ANKRD11: variants seen among roughly 807,000 people sequenced by gnomAD.
The protein encoded by ANKRD11 is ankyrin repeat domain 11.
ANKRD11 carries 17 observed loss-of-function variants against 195.7 expected under a neutral mutation model. That is an observed-to-expected ratio of 0.09 (90% CI 0.06 to 0.13). ANKRD11 has a LOEUF of 0.13. ANKRD11 is among the 10% of genes least tolerant of loss of function. The pLI is 1.00. For synonymous variants in ANKRD11, 1,953 were observed against 1,528.1 expected, an observed-to-expected ratio of 1.28 and a Z score of -6.49; for missense variants, 3,735 against 3,566.1, an observed-to-expected ratio of 1.05 and a Z score of -1.21.
intron 2 of ANKRD11, chr16:89,320,122 G>C (rs2037214704): frequency 6.6e-6 from 1 of 152,366 alleles, no homozygotes; most frequent in African/African-American, 2.4e-5. Context: ...GGTGGGGGCT[G>C]TGATGATGTC....
chr16:89,398,801 G>A (rs534666258), intron 2 of ANKRD11, among the ~76,000 whole-genome samples: 6 of 152,008 alleles, frequency 3.9e-5, no homozygotes, highest in Non-Finnish European at 7.3e-5. Flanking sequence ...GAAATTACTC[G>A]TCTAGTCTCT....
intron 2 of ANKRD11, among the ~76,000 whole-genome samples, chr16:89,399,373 T>C (rs975238053): frequency 6.6e-5 from 10 of 152,040 alleles, no homozygotes; most frequent in Admixed American, 5.2e-4. Context: ...AAAAGGACCA[T>C]AGACGCATGC....
intron 2 of ANKRD11, among the ~76,000 whole-genome samples, chr16:89,391,931 A>G (rs2041217127): frequency 1.3e-5 from 2 of 152,260 alleles, no homozygotes; most frequent in Admixed American, 1.3e-4. Context: ...GCATGCTTAT[A>G]CTGGTCGAAG....
chr16:89,307,009 T>G (rs1597565596), intron 3 of ANKRD11, among the ~76,000 whole-genome samples: 5 of 125,736 alleles, frequency 4.0e-5, no homozygotes, highest in Non-Finnish European at 5.0e-5. Flanking sequence ...GCTCGGGACG[T>G]GGGGAGGGGG....
intron 2 of ANKRD11, among the ~76,000 whole-genome samples, chr16:89,343,187 C>T (rs1199294211): frequency 6.6e-6 from 1 of 152,130 alleles, no homozygotes; most frequent in Non-Finnish European, 1.5e-5. Flanking sequence ...GACGGGGTTT[C>T]ACCATGTTGG....
In ANKRD11 at chr16:89,284,464, T is replaced by A; in HGVS notation, c.2078A>T (p.His693Leu). 6.2e-7 allele frequency: 1 copy of A among 1,614,094 alleles called. No homozygotes were observed. Among genetic ancestry groups the A allele is most frequent in the Non-Finnish European group, 8.5e-7 (1 of 1,180,036 alleles). The change falls in exon 9 of 13, where the codon CAC becomes CTC. Residue 693 changes from histidine (H) to leucine (L), a missense_variant. Coordinates refer to ENST00000301030, the MANE Select transcript of ANKRD11 (RefSeq NM_013275.6). ...KLKVLKHDRD[H>L]FKKEEKLSKM... is the part of the protein sequence containing the mutation. ...GCTAAGTTTCTCTTCTTTTTTAAAG[T>A]GGTCGCGATCGTGCTTTAACACTTT...
At chr16:89,432,562 A>C (rs1240702848) in intron 1 of ANKRD11, among the ~76,000 whole-genome samples, 1 of 152,182 alleles carries the variant, frequency 6.6e-6, no homozygotes, top group Non-Finnish European at 1.5e-5. Context: ...TTCATTCTTC[A>C]AAGTCAAGCT....
In ANKRD11 at chr16:89,274,915, G is replaced by A. The variant is rs2033510977; in HGVS notation, c.7612C>T (p.His2538Tyr). ...GCGATGGTCCTGGCCGCCCGGCAGT[G>A]AACCCGCAGAATCTCCTGCTCACAG... ...VSCEQEILRV[H>Y]CRAARTIANQ... The change falls in exon 11 of 13, where the codon CAC (histidine) becomes TAC (tyrosine). Residue 2538 changes from histidine (H) to tyrosine (Y), a missense_variant. Coordinates refer to ENST00000301030, the MANE Select transcript of ANKRD11 (RefSeq NM_013275.6). The A allele has an allele frequency of 6.2e-7, 1 of 1,613,640 alleles. No homozygotes were observed. Among genetic ancestry groups the A allele is most frequent in the Non-Finnish European group, 8.5e-7 (1 of 1,180,018 alleles).
chr16:89,305,522 G>C (rs1337707070), intron 3 of ANKRD11, among the ~76,000 whole-genome samples, 178 bp from the exon 4 acceptor site: 1 of 152,092 alleles, frequency 6.6e-6, no homozygotes, highest in Non-Finnish European at 1.5e-5. Flanking sequence ...TCACCCAGAA[G>C]CCCGGGGTCG....
intron 2 of ANKRD11, among the ~76,000 whole-genome samples, chr16:89,371,122 C>T (rs535559277): frequency 1.3e-5 from 2 of 152,270 alleles, no homozygotes; most frequent in African/African-American, 2.4e-5. Flanking sequence ...AGGGGGAAGA[C>T]GGGACGAGCG....
chr16:89,267,752 T>C lies in ANKRD11; in HGVS notation c.*726A>G, dbSNP rs55681374. ...TATCTAGAAGGCAGCAAAAGTACAT[T>C]GTGAAGGTATATAAAACTGTACAGC... is the stretch of plus-strand genomic sequence containing the variant. On this transcript the variant is annotated 3_prime_UTR_variant, in exon 13 of 13. Transcript: ENST00000301030. 1 of 152,236 alleles carries C rather than the reference T, an allele frequency of 6.6e-6. No homozygotes were observed. The highest frequency in any genetic ancestry group is 2.4e-5 in the African/African-American group (1 of 41,378). 9.4% of individuals were successfully genotyped at this position (152,236 alleles called of 1,614,324 possible).
rs869142504 is a variant in ANKRD11, at chr16:89,334,144, T to TAAAAAAA, written c.-59-17073_-59-17067dup. ...GGTAACATGATGAAACCCTGTGTTT[T>TAAAAAAA]AAAAAAAAAAAAAAAAAAAAAAAAA... is the stretch of plus-strand genomic sequence containing the variant. On this transcript the variant is annotated intron_variant, in intron 2 of 12. Coordinates refer to ENST00000301030, the MANE Select transcript of ANKRD11 (RefSeq NM_013275.6). 8.5e-3 allele frequency among the ~76,000 whole-genome samples: 351 copies of TAAAAAAA among 41,412 alleles called. 80 individuals are homozygous for TAAAAAAA. Among genetic ancestry groups the TAAAAAAA allele is most frequent in the African/African-American group, 0.032 (332 of 10,446 alleles). 27.2% of individuals were successfully genotyped at this position (41,412 alleles called of 152,430 possible).
intron 1 of ANKRD11, among the ~76,000 whole-genome samples, chr16:89,424,888 C>T (rs1372864341): frequency 1.3e-5 from 2 of 152,146 alleles, no homozygotes; most frequent in African/African-American, 4.8e-5. Flanking sequence ...CTCTCTCTAA[C>T]ACACACGTAC....
rs931183994 is a variant in ANKRD11 at position 89,488,841 on chromosome 16, G to C, written c.-145+1404C>G. On this transcript the variant is annotated intron_variant, in intron 1 of 12. Coordinates refer to ENST00000301030, the MANE Select transcript of ANKRD11 (RefSeq NM_013275.6). Reference sequence around the variant, plus strand: ...TAAAACTCTCTCCTCATGTAAGAAAGCCTGAAATCTAATTTCTCTACCATA... The same window carrying C: ...TAAAACTCTCTCCTCATGTAAGAAACCCTGAAATCTAATTTCTCTACCATA... Among the ~76,000 whole-genome samples the C allele has an allele frequency of 2.6e-5, 4 of 152,102 alleles. No homozygotes were observed. In the South Asian group the frequency reaches 6.2e-4, roughly 24 times the overall value.
chr16:89,384,570 T>TGGGAC (rs1213921883), intron 2 of ANKRD11, among the ~76,000 whole-genome samples: 1 of 150,298 alleles, frequency 6.7e-6, no homozygotes, highest in Non-Finnish European at 1.5e-5. Flanking sequence ...TGGGACAGGA[T>TGGGAC]GGGACGGGAC....
intron 1 of ANKRD11, among the ~76,000 whole-genome samples, chr16:89,484,326 C>T (rs1024673408): frequency 6.6e-6 from 1 of 152,134 alleles, no homozygotes; most frequent in Non-Finnish European, 1.5e-5. Context: ...TCCTTCACTG[C>T]GTCTTACCTT....
At chr16:89,422,195 TC>T (rs2042542070) in intron 1 of ANKRD11, 1 of 152,032 alleles carries the variant, frequency 6.6e-6, no homozygotes, top group African/African-American at 2.4e-5. Flanking sequence ...AAACCTATAA[TC>T]CCAGAACTTT....
chr16:89,434,399 C>T lies in ANKRD11; in HGVS notation c.-144-16031G>A, dbSNP rs115966337. On this transcript the variant is annotated intron_variant, in intron 1 of 12. Transcript: ENST00000301030. ...ACTTGAGAATTCTCATACTCTTCTTCTCCACGCAAGTCGGAAAGACCTAGT... is the reference window on the plus strand; with the variant it reads ...ACTTGAGAATTCTCATACTCTTCTTTTCCACGCAAGTCGGAAAGACCTAGT... Among the ~76,000 whole-genome samples, 1,182 of 152,318 alleles carry T rather than the reference C, an allele frequency of 7.8e-3. 13 individuals carry two copies. The highest frequency in any genetic ancestry group is 0.027 in the African/African-American group (1,114 of 41,556).
In ANKRD11 at chr16:89,291,350, G is replaced by A. The variant is rs1244154383; in HGVS notation, c.227-167C>T. 6.6e-6 allele frequency among the ~76,000 whole-genome samples: 1 copy of A among 152,170 alleles called. No individual in the cohort carries two copies. The highest frequency in any genetic ancestry group is 2.4e-5 in the African/African-American group (1 of 41,418). ...AAGCACAGCGGTGCTGGGAGCATTGGTGCCGCCCACCTCACCTCTCAGCAG... is the reference window on the plus strand; with the variant it reads ...AAGCACAGCGGTGCTGGGAGCATTGATGCCGCCCACCTCACCTCTCAGCAG... On this transcript the variant is annotated intron_variant, in intron 4 of 12. Coordinates refer to ENST00000301030, the MANE Select transcript of ANKRD11 (RefSeq NM_013275.6). This position sits in a 1 kb window ranked among gnomAD's most constrained non-coding sequence, Gnocchi z 5.3.
Sources: gnomAD v4.1 joint callset for allele counts (sites outside exome capture counted in the v4.1 genomes callset) on GRCh38, gnomAD v4.1.1 for gene constraint, Gnocchi (gnomAD v3.1) non-coding constraint, MANE v1.5 for transcripts, NCBI Gene and HGNC (gene_info 2026-07-23, HGNC 2026-07-21) for gene names.